The following RFX6 variants were observed in gnomAD, a reference collection of about 807,000 sequenced individuals.
RFX6 encodes the protein DNA-binding protein RFX6.
Under a neutral mutation model 110.8 loss-of-function variants are expected in RFX6, and 50 were observed. The observed-to-expected ratio is 0.45, with a 90% CI of 0.36 to 0.57. RFX6 has a LOEUF of 0.57. RFX6 is among the 20% of genes least tolerant of loss of function. RFX6 has a pLI of 0.00. For synonymous variants in RFX6, 383 were observed against 411.2 expected, an observed-to-expected ratio of 0.93 and a Z score of 0.83; for missense variants, 990 against 1,127.0, an observed-to-expected ratio of 0.88 and a Z score of 1.74.
intron 4 of RFX6, among the ~76,000 whole-genome samples, chr6:116,886,305 G>T (rs1328847059): frequency 6.6e-6 from 1 of 152,106 alleles, no homozygotes; most frequent in Non-Finnish European, 1.5e-5. Flanking sequence ...TTATAGGATA[G>T]CTAGAGTATG....
chr6:116,900,013 A>G (rs1455867490), intron 6 of RFX6, among the ~76,000 whole-genome samples: 1 of 152,208 alleles, frequency 6.6e-6, no homozygotes, highest in Non-Finnish European at 1.5e-5. Context: ...AGAAAGAAAA[A>G]GCTAATAAAC....
At chr6:116,903,707 G>T (rs1289813519) in intron 6 of RFX6, among the ~76,000 whole-genome samples, 1 of 151,950 alleles carries the variant, frequency 6.6e-6, no homozygotes, top group Non-Finnish European at 1.5e-5. Context: ...TAGGCTCCTT[G>T]TTTTCCCTGT....
At chr6:116,911,933 T>C (rs997794808) in intron 7 of RFX6, among the ~76,000 whole-genome samples, 2 of 152,134 alleles carry the variant, frequency 1.3e-5, no homozygotes, top group Non-Finnish European at 2.9e-5. Context: ...TAAGTAGAGA[T>C]GCATAGTAAC....
Position 116,877,481 on chromosome 6 carries a change from C to A in RFX6, c.206C>A (p.Pro69Gln). 6.4e-7 allele frequency: 1 copy of A among 1,559,436 alleles called. No individual in the cohort carries two copies. The highest frequency in any genetic ancestry group is 2.4e-5 in the East Asian group (1 of 41,704). ...GAGAAAGGCGAAGACCCGGAGCTGC[C>A]GGGGGCAGTGAAATCAGGTGAGTGC... ...GGEKGEDPEL[P>Q]GAVKSEMHLN... Residue 69 changes from proline to glutamine, a missense_variant, in exon 1 of 19, where the codon CCG becomes CAG. Pro to Gln is a moderately conservative substitution (Grantham distance 76). Around this residue, in one of 5 missense-constraint regions of RFX6, gnomAD observed 175 missense variants for 162.3 expected, o/e 1.08. Transcript: ENST00000332958.
At chr6:116,884,829 C>G (rs952353320) in intron 4 of RFX6, 21 of 152,058 alleles carry the variant, frequency 1.4e-4, no homozygotes, top group African/African-American at 3.6e-4. Context: ...AATCCAAGAG[C>G]CATAGATGTG....
intron 9 of RFX6, among the ~76,000 whole-genome samples, chr6:116,917,369 A>G (rs549616331): frequency 9.3e-5 from 14 of 150,454 alleles, no homozygotes; most frequent in African/African-American, 2.9e-4. Context: ...TTGAATATGA[A>G]TGCCATTATT....
At chr6:116,877,558 AC>A in intron 1 of RFX6, 60 bp downstream of exon 1, 1 of 1,275,436 alleles carries the variant, frequency 7.8e-7, no homozygotes, top group Non-Finnish European at 1.1e-6. Context: ...TAAGAAGGGC[AC>A]CCAATAATAA....
chr6:116,889,962 G>A (rs1310840655), intron 4 of RFX6, among the ~76,000 whole-genome samples: 2 of 152,006 alleles, frequency 1.3e-5, no homozygotes, highest in Admixed American at 1.3e-4. Flanking sequence ...TGTCAAATAT[G>A]AAACATCCAG....
At chr6:116,893,717 C>A (rs1044724869) in intron 4 of RFX6, among the ~76,000 whole-genome samples, 1 of 152,054 alleles carries the variant, frequency 6.6e-6, no homozygotes, top group Non-Finnish European at 1.5e-5. Context: ...GGATTTGGAA[C>A]CTAATGTTTT....
chr6:116,921,831 TCA>T (rs1038929505), intron 12 of RFX6, among the ~76,000 whole-genome samples: 3 of 151,656 alleles, frequency 2.0e-5, no homozygotes, highest in Non-Finnish European at 4.4e-5. Context: ...TCTCTCTCTC[TCA>T]CACACACACC....
chr6:116,919,256 C>G lies in RFX6; in HGVS notation c.1142C>G (p.Ser381Cys), dbSNP rs1251297889. 2 of 1,613,492 alleles carry G rather than the reference C, an allele frequency of 1.2e-6. No homozygotes were observed. The highest frequency in any genetic ancestry group is 2.2e-5 in the East Asian group (1 of 44,834). ...KKIPIVRRFV[S>C]SLKRQTSFLH... is the part of the protein sequence containing the mutation. ...ATACCTATTGTGCGAAGATTTGTAT[C>G]TTCTCTGAAACGACAAACATCTTTC... is the stretch of plus-strand genomic sequence containing the variant. Residue 381 changes from serine (S) to cysteine (C), a missense_variant, in exon 11 of 19, where the codon TCT becomes TGT. Ser to Cys is a moderately radical substitution (Grantham distance 112). Coordinates refer to ENST00000332958, the MANE Select transcript of RFX6 (RefSeq NM_173560.4).
intron 9 of RFX6, 28 bp downstream of exon 9, chr6:116,916,342 G>A (rs1312474353): frequency 2.3e-6 from 3 of 1,293,088 alleles, no homozygotes; most frequent in South Asian, 2.4e-5. Flanking sequence ...TCTTAAACAT[G>A]AGCCATTTAT....
At chr6:116,918,128 T>C in intron 10 of RFX6, 42 bp downstream of exon 10, 3 of 1,328,684 alleles carry the variant, frequency 2.3e-6, no homozygotes, top group Non-Finnish European at 3.2e-6. Context: ...TAGTATAGGA[T>C]TTAACTTTAT....
chr6:116,927,850 C>T (rs922263189), intron 17 of RFX6, among the ~76,000 whole-genome samples: 2 of 149,852 alleles, frequency 1.3e-5, no homozygotes, highest in African/African-American at 4.9e-5. Context: ...TCAAGCAATC[C>T]TCCTATCTCA....
At chr6:116,929,230 A>G (rs1775829146) in intron 18 of RFX6, among the ~76,000 whole-genome samples, 1 of 152,214 alleles carries the variant, frequency 6.6e-6, no homozygotes, top group Admixed American at 6.5e-5. Context: ...GCTGGTATCT[A>G]TTAAGTATGC....
Position 116,910,810 on chromosome 6 carries a change from G to A in RFX6, c.673-125G>A, listed in dbSNP as rs183342394. 1.0e-4 allele frequency: 78 copies of A among 761,722 alleles called. 1 individual carries two copies. In the African/African-American group the frequency reaches 1.0e-3, roughly 10 times the overall value. 47.2% of individuals were successfully genotyped at this position (761,722 alleles called of 1,614,324 possible). On this transcript the variant is annotated intron_variant, in intron 6 of 18. Transcript: ENST00000332958. ...AATCTAAACAGTCTACTCAAATCTC[G>A]TAAATTCTCATGGTTTGCAGGATGA...
chr6:116,886,608 C>T (rs920577927), intron 4 of RFX6, among the ~76,000 whole-genome samples: 101 of 152,300 alleles, frequency 6.6e-4, no homozygotes, highest in African/African-American at 2.2e-3. Context: ...AAATAACTGG[C>T]TGTTAATTAC....
At chr6:116,897,451 A>G (rs541964449) in intron 6 of RFX6, among the ~76,000 whole-genome samples, 7 of 152,288 alleles carry the variant, frequency 4.6e-5, no homozygotes, top group Non-Finnish European at 7.4e-5. Context: ...ATCATGTTGT[A>G]GAAAAAATAA....
At position 116,924,748 on chromosome 6, in the gene RFX6, G is replaced by A. The variant is rs367824079; in HGVS notation, c.1635G>A (p.Glu545=). ...AGACCCAGTTTAATAATGACAAAGA[G>A]CAGGAGTTACAGAATTTATTGGACA... ...AMETQFNNDK[E]QELQNLLDKY... The change falls in exon 15 of 19, where the codon GAG becomes GAA. Residue 545 remains glutamate, a synonymous_variant. Coordinates refer to ENST00000332958, the MANE Select transcript of RFX6 (RefSeq NM_173560.4). The A allele has an allele frequency of 2.3e-5, 37 of 1,595,790 alleles. No homozygotes were observed. Among genetic ancestry groups the A allele is most frequent in the Non-Finnish European group, 3.0e-5 (35 of 1,163,474 alleles).
Sources: allele counts gnomAD v4.1 joint callset (sites outside exome capture counted in the v4.1 genomes callset), GRCh38; gene constraint gnomAD v4.1.1; regional missense constraint gnomAD v4.1.1; transcripts MANE v1.5; gene names NCBI Gene and HGNC (gene_info 2026-07-23, HGNC 2026-07-21).